The following STK33 variants were observed in gnomAD, a reference collection of about 807,000 sequenced individuals.
The protein encoded by STK33 is serine/threonine kinase 33, also known as serine/threonine-protein kinase 33.
In STK33, 52 loss-of-function variants were observed where a neutral mutation model predicts 58.0. The observed-to-expected ratio is 0.90, with a 90% CI of 0.72 to 1.13. STK33 has a LOEUF of 1.13. STK33 is among the 50% of genes most tolerant of loss of function. The probability of loss-of-function intolerance (pLI) is 0.00; values close to 1 mark genes in which losing one functional copy is unlikely to be tolerated. For missense variants in STK33, 630 were observed against 604.2 expected (o/e 1.04, Z -0.45); for synonymous variants, 215 against 200.1 (o/e 1.07, Z -0.63).
At chr11:8,499,232 GA>G (rs1389275868) in intron 1 of STK33, among the ~76,000 whole-genome samples, 1 of 151,368 alleles carries the variant, frequency 6.6e-6, no homozygotes, top group Non-Finnish European at 1.5e-5. Flanking sequence ...AAATTTACAA[GA>G]AAAAACAACC....
chr11:8,440,598 G>A (rs1944614337), intron 12 of STK33, 80 bp downstream of exon 12: 1 of 1,189,676 alleles, frequency 8.4e-7, no homozygotes, highest in Non-Finnish European at 1.1e-6. Context: ...ATATATATTA[G>A]TTTTAATTTA....
chr11:8,533,119 A>AT (rs1954683868), intron 1 of STK33, among the ~76,000 whole-genome samples: 1 of 152,224 alleles, frequency 6.6e-6, no homozygotes, highest in African/African-American at 2.4e-5. Flanking sequence ...AAATGTCCTT[A>AT]TTGTCAAAAC....
intron 1 of STK33, among the ~76,000 whole-genome samples, chr11:8,551,725 G>A (rs1956314239): frequency 6.6e-6 from 1 of 152,084 alleles, no homozygotes; most frequent in African/African-American, 2.4e-5. Context: ...CTTTACCCCA[G>A]AACTATATTG....
intron 7 of STK33, among the ~76,000 whole-genome samples, chr11:8,464,237 T>G (rs1185234661): frequency 2.0e-5 from 3 of 152,146 alleles, no homozygotes; most frequent in Non-Finnish European, 2.9e-5. Context: ...ATAGCAGTAG[T>G]TAGTTGAAGC....
the STK33 span, among the ~76,000 whole-genome samples, chr11:8,382,597 G>A: frequency 0.012 from 1,813 of 152,228 alleles, 34 homozygotes; most frequent in African/African-American, 0.041. Context: ...GGAGGCGTGG[G>A]GACATGCAGC....
chr11:8,507,637 C>G (rs1040775611), intron 1 of STK33, among the ~76,000 whole-genome samples: 1 of 152,106 alleles, frequency 6.6e-6, no homozygotes, highest in African/African-American at 2.4e-5. Context: ...GGGGGGTACA[C>G]TTAAAGGCAC....
At chr11:8,469,401 C>T (rs1948557731) in intron 6 of STK33, among the ~76,000 whole-genome samples, 1 of 152,214 alleles carries the variant, frequency 6.6e-6, no homozygotes, top group Non-Finnish European at 1.5e-5. Flanking sequence ...TATCGTGAGA[C>T]TGCAAAAAGT....
chr11:8,516,158 T>C (rs571910186), intron 1 of STK33, among the ~76,000 whole-genome samples: 11 of 152,316 alleles, frequency 7.2e-5, no homozygotes, highest in South Asian at 2.1e-4. Flanking sequence ...TTTGGAAATA[T>C]ATTACAAAGC....
chr11:8,348,014 C>T, the STK33 span, among the ~76,000 whole-genome samples: 1 of 152,176 alleles, frequency 6.6e-6, no homozygotes, highest in Non-Finnish European at 1.5e-5. Context: ...CGGTCTAGTC[C>T]CTGAGAGGAG....
At chr11:8,559,333 T>C (rs1463461174) in intron 1 of STK33, among the ~76,000 whole-genome samples, 1 of 152,180 alleles carries the variant, frequency 6.6e-6, no homozygotes, top group Non-Finnish European at 1.5e-5. Context: ...CCTTAGCATT[T>C]TTTCCTGCCC....
At chr11:8,419,520 C>T (rs1280223472) in intron 14 of STK33, among the ~76,000 whole-genome samples, 3 of 152,106 alleles carry the variant, frequency 2.0e-5, no homozygotes, top group African/African-American at 7.2e-5. Context: ...TAGCATGATG[C>T]CTCCAGCTTT....
At chr11:8,583,088 T>C (rs572811654) in intron 1 of STK33, among the ~76,000 whole-genome samples, 1 of 152,310 alleles carries the variant, frequency 6.6e-6, no homozygotes, top group East Asian at 1.9e-4. Flanking sequence ...GAGCCAAAAT[T>C]ATCTCCTTAT....
intron 1 of STK33, among the ~76,000 whole-genome samples, chr11:8,544,161 GC>G (rs1306536806): frequency 2.6e-5 from 4 of 151,514 alleles, no homozygotes; most frequent in African/African-American, 9.7e-5. Flanking sequence ...CCCTCCCATA[GC>G]CCCCCATCCC....
chr11:8,553,213 A>G, intron 1 of STK33, among the ~76,000 whole-genome samples: 1 of 108,502 alleles, frequency 9.2e-6, no homozygotes, highest in African/African-American at 4.0e-5. Context: ...ATATATATAT[A>G]TATATATATA....
At chr11:8,489,434 G>C (rs1950436328) in intron 1 of STK33, among the ~76,000 whole-genome samples, 2 of 152,084 alleles carry the variant, frequency 1.3e-5, no homozygotes, top group Admixed American at 1.3e-4. Context: ...AAGAACAGAA[G>C]CTTATTTGGC....
chr11:8,422,567 C>G (rs1451660465), intron 14 of STK33, among the ~76,000 whole-genome samples: 1 of 151,990 alleles, frequency 6.6e-6, no homozygotes. Flanking sequence ...TTATTTGGGC[C>G]TGGTGTTTTG....
At chr11:8,445,583 G>T (rs944507793) in intron 11 of STK33, among the ~76,000 whole-genome samples, 2 of 152,140 alleles carry the variant, frequency 1.3e-5, no homozygotes, top group African/African-American at 4.8e-5. Flanking sequence ...AGAGTTTTTA[G>T]CATGAAGTGG....
At chr11:8,516,191 C>T (rs995566234) in intron 1 of STK33, among the ~76,000 whole-genome samples, 1 of 152,168 alleles carries the variant, frequency 6.6e-6, no homozygotes. Context: ...GAATATAATA[C>T]TGCCATAAAG....
intron 1 of STK33, among the ~76,000 whole-genome samples, chr11:8,587,313 T>TATA (rs926280838): frequency 1.5e-4 from 23 of 152,190 alleles, no homozygotes; most frequent in African/African-American, 5.5e-4. Context: ...GTTAGGCACT[T>TATA]TACCTATGAT....
Sources: allele counts gnomAD v4.1 joint callset (sites outside exome capture counted in the v4.1 genomes callset), GRCh38; gene constraint gnomAD v4.1.1; transcripts MANE v1.5; gene names NCBI Gene and HGNC (gene_info 2026-07-23, HGNC 2026-07-21).